CSPP1: variants seen among roughly 807,000 people sequenced by gnomAD.
CSPP1 encodes the protein centrosome and spindle pole-associated protein 1.
CSPP1 carries 126 observed loss-of-function variants against 164.4 expected under a neutral mutation model. The ratio of observed to expected loss-of-function variants is 0.77; its 90% confidence interval spans 0.66 to 0.89. CSPP1 has a LOEUF of 0.89. Among genes scored for constraint, CSPP1 ranks in the 40% least tolerant of loss-of-function variants. The pLI is 0.00. For missense variants in CSPP1, 1,395 were observed against 1,449.8 expected, an observed-to-expected ratio of 0.96 and a Z score of 0.61; for synonymous variants, 472 against 476.7, an observed-to-expected ratio of 0.99 and a Z score of 0.13.
At chr8:67,093,444 T>G in intron 5 of CSPP1, 99 bp from the exon 6 acceptor site, 1 of 681,444 alleles carries the variant, frequency 1.5e-6, no homozygotes, top group South Asian at 1.9e-5. Context: ...GTAAGAGTTC[T>G]GATATGTATG....
intron 17 of CSPP1, among the ~76,000 whole-genome samples, chr8:67,144,826 T>C (rs376493572): frequency 6.6e-6 from 1 of 151,682 alleles, no homozygotes; most frequent in Non-Finnish European, 1.5e-5. Context: ...CCCAGCACAT[T>C]GGGAGGCTGA....
intron 25 of CSPP1, among the ~76,000 whole-genome samples, chr8:67,173,186 G>C (rs1157797392): frequency 6.6e-6 from 1 of 152,112 alleles, no homozygotes; most frequent in Admixed American, 6.5e-5. Context: ...GAATGTGAAC[G>C]TGAGGAGCTA....
chr8:67,065,883 A>C (rs980118130), intron 1 of CSPP1, among the ~76,000 whole-genome samples: 1 of 152,222 alleles, frequency 6.6e-6, no homozygotes, highest in African/African-American at 2.4e-5. Context: ...GAGTTTAGAC[A>C]GAGTAAATTG....
intron 21 of CSPP1, among the ~76,000 whole-genome samples, chr8:67,160,026 C>CTTTTCTTTTTCT (rs1554606078): frequency 7.5e-5 from 4 of 53,686 alleles, no homozygotes; most frequent in South Asian, 5.7e-4. Flanking sequence ...CTTTTCTTTT[C>CTTTTCTTTTTCT]TTTTCTTTTT....
chr8:67,190,821 C>G, intron 29 of CSPP1, 62 bp downstream of exon 29: 1 of 1,222,616 alleles, frequency 8.2e-7, no homozygotes, highest in Non-Finnish European at 1.2e-6. Context: ...GGGTTCTGAC[C>G]TGTGCTAAAT....
rs1282674431 is a variant in CSPP1 at position 67,179,877 on chromosome 8, T to C, written c.3171T>C (p.Thr1057=). 1 of 1,595,316 alleles carries C rather than the reference T, an allele frequency of 6.3e-7. No individual in the cohort carries two copies. The highest frequency in any genetic ancestry group is 1.7e-5 in the Admixed American group (1 of 59,840). Residue 1057 remains threonine, a synonymous_variant, in exon 28 of 31, where the codon ACT becomes ACC. Coordinates refer to ENST00000678616, the MANE Select transcript of CSPP1 (RefSeq NM_001382391.1). ...VREQRMPRDD[T]SDFLKNSLLE... is the part of the protein sequence containing the mutation. ...GTTTCTTTTAGCCCAGAGATGACAC[T>C]AGTGATTTCTTGAAAAACTCATTAT...
rs567184923 is a variant in CSPP1, at chr8:67,086,767, G to A, written c.303+657G>A. ...TCTCTTATTCTGATTTACACATGGA[G>A]AGAATGAACTTTGACTTAATACACT... On this transcript the variant is annotated intron_variant, in intron 4 of 30. Transcript: ENST00000678616. 143 of 977,064 alleles carry A rather than the reference G, an allele frequency of 1.5e-4. 1 individual carries two copies. The highest frequency in any genetic ancestry group is 5.7e-4 in the Admixed American group (27 of 47,420). 60.5% of individuals were successfully genotyped at this position (977,064 alleles called of 1,614,324 possible).
chr8:67,147,420 G>A (rs914073226), intron 17 of CSPP1, among the ~76,000 whole-genome samples: 2 of 151,976 alleles, frequency 1.3e-5, no homozygotes, highest in African/African-American at 2.4e-5. Flanking sequence ...TAGGTCACTT[G>A]TATTAAAACA....
intron 7 of CSPP1, among the ~76,000 whole-genome samples, 166 bp from the exon 8 acceptor site, chr8:67,102,868 CCAG>C (rs1814441235): frequency 6.6e-6 from 1 of 152,144 alleles, no homozygotes; most frequent in African/African-American, 2.4e-5. Context: ...GTCTCATTAA[CCAG>C]CAGATCATAC....
intron 29 of CSPP1, among the ~76,000 whole-genome samples, chr8:67,191,049 C>G (rs1836093465): frequency 6.6e-6 from 1 of 152,184 alleles, no homozygotes; most frequent in Middle Eastern, 3.2e-3. Flanking sequence ...CAGAGAGGCA[C>G]AAGAAGGAAC....
chr8:67,177,469 G>A (rs1372175822), intron 26 of CSPP1, among the ~76,000 whole-genome samples: 1 of 152,164 alleles, frequency 6.6e-6, no homozygotes, highest in Non-Finnish European at 1.5e-5. Flanking sequence ...TACTTGTTAT[G>A]TTCATTCATG....
At chr8:67,173,535 A>T (rs549575679) in intron 25 of CSPP1, 65 of 152,296 alleles carry the variant, frequency 4.3e-4, no homozygotes, top group African/African-American at 1.1e-3. Flanking sequence ...CTATCTGTTT[A>T]TTATAGCAAA....
chr8:67,145,643 C>T (rs1404533698), intron 17 of CSPP1, among the ~76,000 whole-genome samples: 1 of 151,950 alleles, frequency 6.6e-6, no homozygotes, highest in Admixed American at 6.6e-5. Flanking sequence ...CCTGCCTCAG[C>T]CTTCCAAGTA....
chr8:67,160,336 G>A (rs1431635136), intron 21 of CSPP1, among the ~76,000 whole-genome samples: 1 of 151,716 alleles, frequency 6.6e-6, no homozygotes, highest in Non-Finnish European at 1.5e-5. Context: ...GTGGTGGCAG[G>A]CACCTGTAGT....
chr8:67,150,315 T>C (rs1013318709), intron 18 of CSPP1, among the ~76,000 whole-genome samples: 1 of 152,174 alleles, frequency 6.6e-6, no homozygotes, highest in African/African-American at 2.4e-5. Flanking sequence ...TGTGATATGA[T>C]AAATTGTACA....
chr8:67,119,480 C>G (rs1818569449), intron 15 of CSPP1, among the ~76,000 whole-genome samples: 1 of 152,134 alleles, frequency 6.6e-6, no homozygotes, highest in Non-Finnish European at 1.5e-5. Context: ...TTGTCCACAA[C>G]TGCTATACTT....
chr8:67,161,352 G>T (rs1368169104), intron 21 of CSPP1, among the ~76,000 whole-genome samples: 1 of 152,066 alleles, frequency 6.6e-6, no homozygotes, highest in Non-Finnish European at 1.5e-5. Flanking sequence ...CTGAAATATA[G>T]AACCCCATCG....
In CSPP1 at chr8:67,095,716, G is replaced by C. The variant is rs1475447090; in HGVS notation, c.907G>C (p.Val303Leu). The C allele has an allele frequency of 1.9e-6, 3 of 1,583,370 alleles. No homozygotes were observed. The highest frequency in any genetic ancestry group is 2.6e-6 in the Non-Finnish European group (3 of 1,161,082). Residue 303 changes from valine to leucine, a missense_variant, in exon 7 of 31, where the codon GTG becomes CTG. Physicochemically the swap from Val to Leu is conservative, Grantham distance 32 (BLOSUM62 1). Transcript: ENST00000678616. Reference sequence around the variant, plus strand: ...TGATTTTGATAGAAGACTTTCGAGAGTGTATACAAATGACAGGTATTTACA... The same window carrying C: ...TGATTTTGATAGAAGACTTTCGAGACTGTATACAAATGACAGGTATTTACA... ...ESDFDRRLSR[V>L]YTNDRMHRNK... is the part of the protein sequence containing the mutation.
Position 67,161,814 on chromosome 8 carries a change from A to G in CSPP1, c.2542A>G (p.Met848Val), listed in dbSNP as rs770731363. Residue 848 changes from methionine to valine, a missense_variant, in exon 22 of 31, where the codon ATG (methionine) becomes GTG (valine). By Grantham distance (21) the Met-to-Val change is conservative. Transcript: ENST00000678616. ...DNLIGEETKH[M>V]RQPSPIVPAL... ...TTAAATTTTTTAAATTTTTCAGCACATGAGACAGCCTTCTCCTATAGTTCC... is the reference window on the plus strand; with the variant it reads ...TTAAATTTTTTAAATTTTTCAGCACGTGAGACAGCCTTCTCCTATAGTTCC... The G allele has an allele frequency of 6.2e-7, 1 of 1,610,698 alleles. No individual in the cohort carries two copies. Among genetic ancestry groups the G allele is most frequent in the Non-Finnish European group, 8.5e-7 (1 of 1,177,854 alleles).
Sources: gnomAD v4.1 joint callset for allele counts (sites outside exome capture counted in the v4.1 genomes callset) on GRCh38, gnomAD v4.1.1 for gene constraint, MANE v1.5 for transcripts, NCBI Gene and HGNC (gene_info 2026-07-23, HGNC 2026-07-21) for gene names.